The following SNED1 variants were observed in gnomAD, a reference collection of about 807,000 sequenced individuals.
The protein encoded by SNED1 is sushi, nidogen and EGF-like domain-containing protein 1.
In SNED1, 81 loss-of-function variants were observed where a neutral mutation model predicts 166.7. The ratio of observed to expected loss-of-function variants is 0.49; its 90% confidence interval spans 0.41 to 0.58. The LOEUF is 0.58. SNED1 is among the 20% of genes least tolerant of loss of function. The pLI, the probability that SNED1 is intolerant of heterozygous loss-of-function variation, is 0.00. For missense variants in SNED1, 1,604 were observed against 2,000.2 expected (o/e 0.80, Z 3.78); for synonymous variants, 762 against 822.0 (o/e 0.93, Z 1.25).
At chr2:241,047,620 A>T (rs899674631) in intron 8 of SNED1, among the ~76,000 whole-genome samples, 40 of 152,360 alleles carry the variant, frequency 2.6e-4, no homozygotes, top group African/African-American at 7.7e-4. Flanking sequence ...TAAACTAGAG[A>T]TCAGCAGAAA....
At chr2:241,002,539 AG>A (rs1423716723) in intron 1 of SNED1, among the ~76,000 whole-genome samples, 1 of 152,044 alleles carries the variant, frequency 6.6e-6, no homozygotes, top group Non-Finnish European at 1.5e-5. Context: ...AGCAGATGGA[AG>A]GGGATCCTGG....
Position 241,034,723 on chromosome 2 carries a change from C to T in SNED1, c.798C>T (p.Gly266=). 6.4e-7 allele frequency: 1 copy of T among 1,564,150 alleles called. No individual in the cohort carries two copies. The highest frequency in any genetic ancestry group is 8.7e-7 in the Non-Finnish European group (1 of 1,154,832). Residue 266 remains glycine (G), a synonymous_variant, in exon 4 of 32, where the codon GGC becomes GGT. Transcript: ENST00000310397. ...DDAQVRVGGC[G]HTTSVCLALR... is the part of the protein sequence containing the mutation. ...CCCAGGTGCGCGTGGGGGGCTGCGG[C>T]CATACAAGTAAGAGGACAGAGGAGC...
rs10664618 is a variant in SNED1, at chr2:241,024,235, C to CTTTTTTTTTTTTTTTTTTTTTTTT, written c.214-6043_214-6020dup. 4.3e-5 allele frequency among the ~76,000 whole-genome samples: 2 copies of CTTTTTTTTTTTTTTTTTTTTTTTT among 46,908 alleles called. 1 individual carries two copies. Among genetic ancestry groups the CTTTTTTTTTTTTTTTTTTTTTTTT allele is most frequent in the African/African-American group, 1.7e-4 (2 of 11,904 alleles). The allele number at this position is 46,908 out of a possible 152,430, so 30.8% of individuals were successfully genotyped here. ...GTGTAGTTGTATTTCACTCTACTAC[C>CTTTTTTTTTTTTTTTTTTTTTTTT]TTTTTTTTTTTTTTTTTTTTTTTTT... On this transcript the variant is annotated intron_variant, in intron 1 of 31. Coordinates refer to ENST00000310397, the MANE Select transcript of SNED1 (RefSeq NM_001080437.3).
At position 241,092,878 on chromosome 2, in the gene SNED1, T is replaced by G. The variant is rs948970519; in HGVS notation, c.*1242T>G. On this transcript the variant is annotated 3_prime_UTR_variant, in exon 32 of 32. Transcript: ENST00000310397. This position sits in a 1 kb window ranked among gnomAD's most constrained non-coding sequence, Gnocchi z 4.6. ...TTACAACCAAAGCAGCCACCCCACC[T>G]CCTCTCGTGTTGAGCCTCACGACCG... 2.6e-5 allele frequency: 4 copies of G among 152,124 alleles called. No homozygotes were observed. Among genetic ancestry groups the G allele is most frequent in the African/African-American group, 7.3e-5 (3 of 41,358 alleles). 9.4% of individuals were successfully genotyped at this position (152,124 alleles called of 1,614,324 possible).
Position 241,049,147 on chromosome 2 carries a change from G to C in SNED1, c.1618+12G>C, listed in dbSNP as rs569420529. The C allele has an allele frequency of 5.6e-6, 9 of 1,603,286 alleles. No individual in the cohort carries two copies. Among genetic ancestry groups the C allele is most frequent in the South Asian group, 4.5e-5 (4 of 89,696 alleles). Reference sequence around the variant, plus strand: ...CAATGCCAGCCACTGTGAGTAGCTCGGGGACGAGCCTGCTGGGCCGGGGGC... The same window carrying C: ...CAATGCCAGCCACTGTGAGTAGCTCCGGGACGAGCCTGCTGGGCCGGGGGC... On this transcript the variant is annotated intron_variant, in intron 11 of 31. Coordinates refer to ENST00000310397, the MANE Select transcript of SNED1 (RefSeq NM_001080437.3).
At position 241,091,118 on chromosome 2, in the gene SNED1, C is replaced by T. The variant is rs1488366049; in HGVS notation, c.*2-520C>T. 6.6e-6 allele frequency among the ~76,000 whole-genome samples: 1 copy of T among 151,254 alleles called. No homozygotes were observed. Among genetic ancestry groups the T allele is most frequent in the Non-Finnish European group, 1.5e-5 (1 of 67,994 alleles). On this transcript the variant is annotated intron_variant, in intron 31 of 31. Transcript: ENST00000310397. This position sits in a 1 kb window ranked among gnomAD's most constrained non-coding sequence, Gnocchi z 4.1. ...TCCCATAAAAACAAATCAGAAACCC[C>T]CAACTAATTATCAAATACTGACTTA... is the stretch of plus-strand genomic sequence containing the variant.
chr2:241,068,542 T>C lies in SNED1; in HGVS notation c.3195-369T>C, dbSNP rs2062563663. Among the ~76,000 whole-genome samples, 1 of 151,852 alleles carries C rather than the reference T, an allele frequency of 6.6e-6. No homozygotes were observed. Among genetic ancestry groups the C allele is most frequent in the South Asian group, 2.1e-4 (1 of 4,828 alleles). ...GGGCTGGGGTGGCATTGGCCTCACG[T>C]TGTCCTGTGGTTTCCTGAGAATTTA... is the stretch of plus-strand genomic sequence containing the variant. On this transcript the variant is annotated intron_variant, in intron 22 of 31. Coordinates refer to ENST00000310397, the MANE Select transcript of SNED1 (RefSeq NM_001080437.3). The surrounding 1 kb of genome is among the most constrained non-coding windows in gnomAD (Gnocchi z 5.3).
chr2:241,053,781 C>T (rs1313944046), intron 16 of SNED1, among the ~76,000 whole-genome samples: 1 of 152,134 alleles, frequency 6.6e-6, no homozygotes, highest in Non-Finnish European at 1.5e-5. Context: ...CACTGAGGTC[C>T]CACCCCTGTC....
Position 241,069,092 on chromosome 2 carries a change from C to T in SNED1, c.3307+69C>T. The T allele has an allele frequency of 9.3e-7, 1 of 1,080,236 alleles. No individual in the cohort carries two copies. The highest frequency in any genetic ancestry group is 1.3e-6 in the Non-Finnish European group (1 of 743,670). The allele number at this position is 1,080,236 out of a possible 1,614,324, so 66.9% of individuals were successfully genotyped here. Reference sequence around the variant, plus strand: ...CTAGAAGCTCTGGCTTCCTTCCAGCCTCCCCTAGTCCTCTCCAAAGCGTCC... The same window carrying T: ...CTAGAAGCTCTGGCTTCCTTCCAGCTTCCCCTAGTCCTCTCCAAAGCGTCC... On this transcript the variant is annotated intron_variant, in intron 23 of 31. Coordinates refer to ENST00000310397, the MANE Select transcript of SNED1 (RefSeq NM_001080437.3). This position sits in a 1 kb window ranked among gnomAD's most constrained non-coding sequence, Gnocchi z 4.9.
chr2:241,044,967 A>G (rs2061611453), intron 8 of SNED1, among the ~76,000 whole-genome samples: 1 of 152,132 alleles, frequency 6.6e-6, no homozygotes, highest in Admixed American at 6.5e-5. Context: ...TGGGACAGCA[A>G]CTCCATAAAG....
At chr2:241,053,695 G>A (rs991181527) in intron 16 of SNED1, among the ~76,000 whole-genome samples, 3 of 152,178 alleles carry the variant, frequency 2.0e-5, no homozygotes, top group African/African-American at 7.2e-5. Flanking sequence ...CTGGCCCCTT[G>A]AAGACTTGTG....
chr2:241,069,399 G>A lies in SNED1; in HGVS notation c.3307+376G>A, dbSNP rs2062602311. ...GCTCCCTAAGTTCCTGGTGTCACTA[G>A]GCCCACACCCCCTCCCCAGTGCATG... On this transcript the variant is annotated intron_variant, in intron 23 of 31. Coordinates refer to ENST00000310397, the MANE Select transcript of SNED1 (RefSeq NM_001080437.3). The surrounding 1 kb of genome is among the most constrained non-coding windows in gnomAD (Gnocchi z 4.9). Among the ~76,000 whole-genome samples the A allele has an allele frequency of 6.6e-6, 1 of 152,148 alleles. No individual in the cohort carries two copies. The highest frequency in any genetic ancestry group is 2.1e-4 in the South Asian group (1 of 4,828).
intron 29 of SNED1, among the ~76,000 whole-genome samples, chr2:241,085,234 AG>A (rs2063520875): frequency 6.6e-6 from 1 of 152,048 alleles, no homozygotes; most frequent in African/African-American, 2.4e-5. Context: ...CTGGGACTCC[AG>A]TTATGCGTGT....
At chr2:241,056,324 C>T (rs991855704) in intron 16 of SNED1, among the ~76,000 whole-genome samples, 7 of 151,994 alleles carry the variant, frequency 4.6e-5, no homozygotes, top group Admixed American at 3.3e-4. Flanking sequence ...TGGTGTTGCC[C>T]AGGTTGGTCT....
In SNED1 at chr2:241,094,245, C is replaced by G. The variant is rs1375661820; in HGVS notation, c.*2609C>G. 1.5e-5 allele frequency: 7 copies of G among 464,226 alleles called. No homozygotes were observed. Among genetic ancestry groups the G allele is most frequent in the Non-Finnish European group, 3.1e-5 (7 of 224,484 alleles). 28.8% of individuals were successfully genotyped at this position (464,226 alleles called of 1,614,324 possible). On this transcript the variant is annotated 3_prime_UTR_variant, in exon 32 of 32. Coordinates refer to ENST00000310397, the MANE Select transcript of SNED1 (RefSeq NM_001080437.3). The surrounding 1 kb of genome is among the most constrained non-coding windows in gnomAD (Gnocchi z 4.3). ...CACTGTCCTCCAGTAGAGAACCCAA[C>G]AGGCAAGGGCCCCACTCAGGTATCA...
intron 8 of SNED1, chr2:241,040,841 A>G (rs1349138092): frequency 8.5e-6 from 4 of 471,840 alleles, no homozygotes; most frequent in Admixed American, 2.3e-5. Context: ...AAGAAAACTG[A>G]CCTTTCACTA....
Position 241,065,488 on chromosome 2 carries a change from A to G in SNED1, c.2903A>G (p.Gln968Arg). 6.2e-7 allele frequency: 1 copy of G among 1,612,892 alleles called. No individual in the cohort carries two copies. Among genetic ancestry groups the G allele is most frequent in the Non-Finnish European group, 8.5e-7 (1 of 1,179,800 alleles). ...AGGACCCGCTCCTCGCACCAGCTCC[A>G]GGCCCTGGCGGCCGGCAGGGCCTAC... is the stretch of plus-strand genomic sequence containing the variant. The part of the protein sequence containing the change: ...VDRTRSSHQL[Q>R]ALAAGRAYNI... The change falls in exon 21 of 32, where the codon CAG becomes CGG. Residue 968 changes from glutamine (Q) to arginine (R), a missense_variant. Gln to Arg is a conservative substitution (Grantham distance 43). Coordinates refer to ENST00000310397, the MANE Select transcript of SNED1 (RefSeq NM_001080437.3).
At chr2:241,036,675 C>T in intron 4 of SNED1, 115 bp from the exon 5 acceptor site, 1 of 1,382,904 alleles carries the variant, frequency 7.2e-7, no homozygotes, top group Admixed American at 1.9e-5. Flanking sequence ...GTCACCCGGG[C>T]ACCCAGAGGC....
At chr2:241,043,065 T>G (rs2061560150) in intron 8 of SNED1, among the ~76,000 whole-genome samples, 1 of 151,814 alleles carries the variant, frequency 6.6e-6, no homozygotes, top group African/African-American at 2.4e-5. Context: ...ATCCACGTAT[T>G]TGGAGTCTGC....
Sources: gnomAD v4.1 joint callset for allele counts (sites outside exome capture counted in the v4.1 genomes callset) on GRCh38, gnomAD v4.1.1 for gene constraint, Gnocchi (gnomAD v3.1) non-coding constraint, MANE v1.5 for transcripts, NCBI Gene and HGNC (gene_info 2026-07-23, HGNC 2026-07-21) for gene names.